FRMD4B: variants seen among roughly 807,000 people sequenced by gnomAD.
FRMD4B encodes FERM domain containing 4B.
In FRMD4B, 74 loss-of-function variants were observed where a neutral mutation model predicts 141.5. The ratio of observed to expected loss-of-function variants is 0.52; its 90% CI spans 0.43 to 0.63. The LOEUF is 0.63. Ranked by LOEUF, FRMD4B falls within the 30% of genes least tolerant of loss-of-function variation. The pLI is 0.00. For synonymous variants in FRMD4B, 506 were observed against 467.9 expected, an observed-to-expected ratio of 1.08 and a Z score of -1.05; for missense variants, 1,366 against 1,253.4, an observed-to-expected ratio of 1.09 and a Z score of -1.36.
At chr3:69,507,832 T>G (rs1706624102) in intron 1 of FRMD4B, among the ~76,000 whole-genome samples, 2 of 152,158 alleles carry the variant, frequency 1.3e-5, no homozygotes, top group Admixed American at 1.3e-4. Flanking sequence ...AGAGTCTGTT[T>G]AAAATAGAGG....
intron 1 of FRMD4B, among the ~76,000 whole-genome samples, chr3:69,519,045 G>C (rs1333637704): frequency 6.6e-6 from 1 of 152,186 alleles, no homozygotes; most frequent in Non-Finnish European, 1.5e-5. Context: ...TGTTTAACAG[G>C]CACCCCAGTG....
At chr3:69,348,048 G>A (rs1703006481) in intron 1 of FRMD4B, among the ~76,000 whole-genome samples, 2 of 152,072 alleles carry the variant, frequency 1.3e-5, no homozygotes, top group African/African-American at 4.8e-5. Context: ...CCAGGAGCTG[G>A]TTTTTTGAAA....
chr3:69,395,364 T>C (rs1447628109), intron 2 of FRMD4B, among the ~76,000 whole-genome samples: 3 of 152,090 alleles, frequency 2.0e-5, no homozygotes, highest in East Asian at 1.9e-4. Flanking sequence ...AGATCAACCA[T>C]ACTACCTAGG....
At chr3:69,521,242 T>C (rs1700849274) in intron 1 of FRMD4B, among the ~76,000 whole-genome samples, 1 of 152,200 alleles carries the variant, frequency 6.6e-6, no homozygotes, top group South Asian at 2.1e-4. Context: ...GAAGGTACTT[T>C]GACTTCTGCC....
intron 5 of FRMD4B, among the ~76,000 whole-genome samples, chr3:69,265,683 G>A (rs1423904393): frequency 2.0e-5 from 3 of 151,710 alleles, no homozygotes; most frequent in African/African-American, 7.3e-5. Context: ...TCCTGACATC[G>A]TGATCCACCC....
At position 69,181,328 on chromosome 3, in the gene FRMD4B, C is replaced by T. The variant is rs201646780; in HGVS notation, c.2422G>A (p.Gly808Arg). ...EPPSSSYYIA[G>R]YTPYAECDFY... ...TCACACTCTGCATAGGGTGTGTACC[C>T]GGCAATGTAGTAACTGGAAGACGGT... The change falls in exon 21 of 23, where the codon GGG becomes AGG. Residue 808 changes from glycine (G) to arginine (R), a missense_variant. Physicochemically the swap from Gly to Arg is moderately radical, Grantham distance 125. Coordinates refer to ENST00000398540, the MANE Select transcript of FRMD4B (RefSeq NM_015123.3). 22 of 1,613,830 alleles carry T rather than the reference C, an allele frequency of 1.4e-5. 1 individual carries two copies. The highest frequency in any genetic ancestry group is 3.3e-4 in the Middle Eastern group (2 of 6,062).
rs79815626 is a variant in FRMD4B, at chr3:69,517,778, G to A, written c.-129+24428C>T. On this transcript the variant is annotated intron_variant, in intron 1 of 5. Transcript: ENST00000459638. ...AGCCTCCTTACTGCCTTCAGCTCAA[G>A]TGTGGAACCTCAAATGTCTCTGTTA... Among the ~76,000 whole-genome samples the A allele has an allele frequency of 7.6e-3, 1,154 of 152,252 alleles. 21 individuals carry two copies. The highest frequency in any genetic ancestry group is 0.027 in the African/African-American group (1,113 of 41,542).
chr3:69,502,226 C>T (rs1706510461), intron 1 of FRMD4B, among the ~76,000 whole-genome samples: 1 of 152,188 alleles, frequency 6.6e-6, no homozygotes, highest in Non-Finnish European at 1.5e-5. Context: ...ATTGCCAAGT[C>T]AATCCTAACC....
chr3:69,359,310 G>A (rs1177348414), intron 1 of FRMD4B, among the ~76,000 whole-genome samples: 1 of 152,140 alleles, frequency 6.6e-6, no homozygotes, highest in East Asian at 1.9e-4. Context: ...GCCAGCCACA[G>A]GTTAGTTGGT....
chr3:69,180,128 G>A (rs2092688874), intron 21 of FRMD4B, among the ~76,000 whole-genome samples: 1 of 151,862 alleles, frequency 6.6e-6, no homozygotes, highest in African/African-American at 2.4e-5. Context: ...AGGCACTGCG[G>A]CTCTCACATG....
chr3:69,499,691 CAGAGAGAG>C (rs149911069), intron 1 of FRMD4B, among the ~76,000 whole-genome samples: 3 of 149,484 alleles, frequency 2.0e-5, no homozygotes, highest in African/African-American at 7.4e-5. Flanking sequence ...AGCAGGAAGA[CAGAGAGAG>C]AGAGAGAGAG....
At chr3:69,199,859 T>C (rs6777671) in intron 11 of FRMD4B, among the ~76,000 whole-genome samples, 13,879 of 152,230 alleles carry the variant, frequency 0.091, 881 homozygotes, top group East Asian at 0.29. Context: ...CTTGCTATGT[T>C]TTCTGGGCTG....
intron 1 of FRMD4B, among the ~76,000 whole-genome samples, chr3:69,368,513 C>G (rs1326102257): frequency 6.6e-6 from 1 of 152,236 alleles, no homozygotes; most frequent in Non-Finnish European, 1.5e-5. Context: ...TGTGCCTACC[C>G]CCCTTGTCGT....
At chr3:69,485,539 G>A (rs1393739232) in intron 1 of FRMD4B, among the ~76,000 whole-genome samples, 1 of 152,190 alleles carries the variant, frequency 6.6e-6, no homozygotes, top group Non-Finnish European at 1.5e-5. Context: ...CACAGCTTGG[G>A]CAGCTGCAGA....
rs2093423250 is a variant in FRMD4B, at chr3:69,245,969, C to T, written c.581+3257G>A. ...TCTCCTTCCTCAGCCTCCCAAGTAGCTGGGATTACAGGCATGTGCCACCAT... is the reference window on the plus strand; with the variant it reads ...TCTCCTTCCTCAGCCTCCCAAGTAGTTGGGATTACAGGCATGTGCCACCAT... On this transcript the variant is annotated intron_variant, in intron 7 of 22. Transcript: ENST00000398540. 3.3e-5 allele frequency among the ~76,000 whole-genome samples: 5 copies of T among 150,738 alleles called. No homozygotes were observed. In the South Asian group the frequency reaches 1.0e-3, roughly 31 times the overall value.
chr3:69,175,123 G>A (rs940741344), intron 22 of FRMD4B, among the ~76,000 whole-genome samples: 4 of 152,162 alleles, frequency 2.6e-5, no homozygotes, highest in Non-Finnish European at 4.4e-5. Flanking sequence ...GTAACAGTGA[G>A]TGTCTTAATA....
intron 11 of FRMD4B, among the ~76,000 whole-genome samples, chr3:69,207,462 A>G (rs1241063008): frequency 6.6e-6 from 1 of 152,098 alleles, no homozygotes; most frequent in Non-Finnish European, 1.5e-5. Context: ...ATTTTTCTTC[A>G]TGTGCCAACA....
chr3:69,309,548 T>G (rs1701505343), intron 3 of FRMD4B, among the ~76,000 whole-genome samples: 1 of 150,592 alleles, frequency 6.6e-6, no homozygotes, highest in Non-Finnish European at 1.5e-5. Context: ...GCTCAAGTTG[T>G]CCTCCCACCT....
At chr3:69,213,108 TGAAAA>T (rs1476023034) in intron 11 of FRMD4B, among the ~76,000 whole-genome samples, 1 of 152,094 alleles carries the variant, frequency 6.6e-6, no homozygotes, top group Non-Finnish European at 1.5e-5. Flanking sequence ...TTTAAAAAAG[TGAAAA>T]GAAATCGGTT....
Sources: allele counts gnomAD v4.1 joint callset (sites outside exome capture counted in the v4.1 genomes callset), GRCh38; gene constraint gnomAD v4.1.1; transcripts MANE v1.5; gene names NCBI Gene and HGNC (gene_info 2026-07-23, HGNC 2026-07-21).